Variants in SLC35F3 observed in about 807,000 individuals in gnomAD.
SLC35F3 encodes putative thiamine transporter SLC35F3.
Under a neutral mutation model 49.9 loss-of-function variants are expected in SLC35F3, and 25 were observed. The observed-to-expected ratio is 0.50, with a 90% CI of 0.37 to 0.70. SLC35F3 has a LOEUF of 0.70. Among genes scored for constraint, SLC35F3 ranks in the 30% least tolerant of loss-of-function variants. The pLI is 0.00. For synonymous variants in SLC35F3, 275 were observed against 265.4 expected, an observed-to-expected ratio of 1.04 and a Z score of -0.35; for missense variants, 525 against 639.8, an observed-to-expected ratio of 0.82 and a Z score of 1.94.
chr1:234,226,961 G>GCACGCACACACACACA lies in SLC35F3; in HGVS notation c.284-4453_284-4452insGCACACACACACACAC, dbSNP rs1553316746. On this transcript the variant is annotated intron_variant, in intron 2 of 7. Transcript: ENST00000366618. ...CCTGCACTGGCGTGCGCGCACGCGTGCACACACACACACACACACACACAC... is the reference window on the plus strand; with the variant it reads ...CCTGCACTGGCGTGCGCGCACGCGTGCACGCACACACACACACACACACACACACACACACACACAC... Among the ~76,000 whole-genome samples, 181 of 148,742 alleles carry GCACGCACACACACACA rather than the reference G, an allele frequency of 1.2e-3. 1 individual carries two copies. The highest frequency in any genetic ancestry group is 9.2e-4 in the Non-Finnish European group (62 of 67,102).
In SLC35F3 at chr1:234,309,305, AT is replaced by A; in HGVS notation, c.815del (p.Phe272SerfsTer4). On this transcript the variant is annotated frameshift_variant, in exon 4 of 8. Transcript: ENST00000366618. LOFTEE classifies it high-confidence loss of function. The part of the protein sequence containing the change: ...LLSWIVLRDR[F>X]MGVRIVAAIL... ...TCTCATGGATCGTTCTCAGGGACAG[AT>A]TCATGGGAGTGAGGGTAAGTTCCTT... 1 of 1,614,194 alleles carries A rather than the reference AT, an allele frequency of 6.2e-7. No individual in the cohort carries two copies. Among genetic ancestry groups the A allele is most frequent in the East Asian group, 2.2e-5 (1 of 44,886 alleles).
chr1:233,950,619 A>G (rs887363595), intron 2 of SLC35F3, among the ~76,000 whole-genome samples: 3 of 146,940 alleles, frequency 2.0e-5, no homozygotes, highest in African/African-American at 7.6e-5. Context: ...CCATCCCTCC[A>G]CCCTTTCTCC....
At chr1:234,020,518 T>C (rs574530298) in intron 2 of SLC35F3, among the ~76,000 whole-genome samples, 1 of 152,292 alleles carries the variant, frequency 6.6e-6, no homozygotes, top group Admixed American at 6.5e-5. Context: ...CTCCCCCTTT[T>C]TTTGAAAATT....
intron 3 of SLC35F3, among the ~76,000 whole-genome samples, chr1:234,295,782 A>C (rs1668583730): frequency 6.6e-6 from 1 of 152,238 alleles, no homozygotes; most frequent in South Asian, 2.1e-4. Flanking sequence ...CAGGCCAGCC[A>C]GCAGATGAAC....
intron 3 of SLC35F3, among the ~76,000 whole-genome samples, chr1:234,265,922 C>T (rs570557418): frequency 6.6e-6 from 1 of 152,126 alleles, no homozygotes; most frequent in African/African-American, 2.4e-5. Flanking sequence ...CTCCATGGCT[C>T]TTCCCATGAC....
At chr1:234,262,353 A>G (rs1416549988) in intron 3 of SLC35F3, among the ~76,000 whole-genome samples, 23 of 152,222 alleles carry the variant, frequency 1.5e-4, no homozygotes, top group Admixed American at 6.5e-5. Flanking sequence ...TAGGGTTAAT[A>G]GACTGATGTA....
chr1:234,321,224 CG>C (rs1276000592), intron 7 of SLC35F3, among the ~76,000 whole-genome samples: 1 of 151,402 alleles, frequency 6.6e-6, no homozygotes, highest in Non-Finnish European at 1.5e-5. Context: ...TGCCTCACAG[CG>C]GCGGCAGTGT....
At chr1:234,211,130 A>G (rs1450230117) in intron 2 of SLC35F3, among the ~76,000 whole-genome samples, 2 of 152,256 alleles carry the variant, frequency 1.3e-5, no homozygotes, top group Non-Finnish European at 2.9e-5. Context: ...TTGAGCCTGC[A>G]AGTGCAGAGA....
chr1:234,149,976 G>C (rs1321828245), intron 2 of SLC35F3, among the ~76,000 whole-genome samples: 1 of 152,210 alleles, frequency 6.6e-6, no homozygotes, highest in East Asian at 1.9e-4. Flanking sequence ...GCTTTCTCCA[G>C]AGAGGTTCCT....
chr1:234,217,200 C>G (rs1373195753), intron 2 of SLC35F3, among the ~76,000 whole-genome samples: 1 of 152,110 alleles, frequency 6.6e-6, no homozygotes, highest in East Asian at 1.9e-4. Context: ...TAAGGGGAGG[C>G]AAGAAGGCAC....
intron 3 of SLC35F3, among the ~76,000 whole-genome samples, chr1:234,303,045 C>A (rs1434226827): frequency 2.6e-5 from 4 of 152,144 alleles, no homozygotes; most frequent in Non-Finnish European, 5.9e-5. Context: ...AAATTAAATT[C>A]TTATCTCAGT....
Position 234,098,281 on chromosome 1 carries a change from A to C in SLC35F3, c.284-133136A>C, listed in dbSNP as rs1043804778. ...GTGTGTTGGTGGTGGTGGTGGTGGCAGTTCAGATGGTGGTAGTGATGGTGT... is the reference window on the plus strand; with the variant it reads ...GTGTGTTGGTGGTGGTGGTGGTGGCCGTTCAGATGGTGGTAGTGATGGTGT... On this transcript the variant is annotated intron_variant, in intron 2 of 7. Coordinates refer to ENST00000366618, the MANE Select transcript of SLC35F3 (RefSeq NM_173508.4). Among the ~76,000 whole-genome samples, 7 of 130,650 alleles carry C rather than the reference A, an allele frequency of 5.4e-5. No individual in the cohort carries two copies. The Admixed American group carries it at 5.6e-4, about 10-fold the overall frequency. 85.7% of individuals were successfully genotyped at this position (130,650 alleles called of 152,430 possible).
At chr1:234,125,888 C>T (rs1263401168) in intron 2 of SLC35F3, among the ~76,000 whole-genome samples, 1 of 152,154 alleles carries the variant, frequency 6.6e-6, no homozygotes, top group Admixed American at 6.5e-5. Flanking sequence ...AACCACTTAG[C>T]GCTGCTGGGC....
At chr1:234,102,546 T>C (rs908039557) in intron 2 of SLC35F3, among the ~76,000 whole-genome samples, 1 of 152,198 alleles carries the variant, frequency 6.6e-6, no homozygotes, top group Non-Finnish European at 1.5e-5. Flanking sequence ...TTTCTCCCTG[T>C]AGAGGGGAAG....
At chr1:233,979,618 G>C (rs1306764099) in intron 2 of SLC35F3, among the ~76,000 whole-genome samples, 1 of 152,062 alleles carries the variant, frequency 6.6e-6, no homozygotes, top group Non-Finnish European at 1.5e-5. Context: ...TAAAATAGGT[G>C]GGAACTGCTT....
chr1:234,240,063 T>G (rs1667529820), intron 3 of SLC35F3, among the ~76,000 whole-genome samples: 2 of 152,220 alleles, frequency 1.3e-5, no homozygotes, highest in Non-Finnish European at 2.9e-5. Context: ...ACTCCTAACG[T>G]GGATACCAAA....
chr1:233,923,172 CA>C (rs1487564991), intron 2 of SLC35F3, among the ~76,000 whole-genome samples: 2 of 152,058 alleles, frequency 1.3e-5, no homozygotes, highest in African/African-American at 2.4e-5. Flanking sequence ...TAGTTTTTTC[CA>C]ATTCTGTGAA....
At chr1:234,289,601 T>C (rs79904064) in intron 3 of SLC35F3, among the ~76,000 whole-genome samples, 2,258 of 152,282 alleles carry the variant, frequency 0.015, 51 homozygotes, top group African/African-American at 0.052. Context: ...CTGTTAGAAA[T>C]TGGAACCTCA....
chr1:234,187,743 C>T (rs1170386024), intron 2 of SLC35F3, among the ~76,000 whole-genome samples: 2 of 152,198 alleles, frequency 1.3e-5, no homozygotes, highest in African/African-American at 4.8e-5. Context: ...GCAGGAAAAG[C>T]CCTGCAGTCT....
Sources: allele counts gnomAD v4.1 joint callset (sites outside exome capture counted in the v4.1 genomes callset), GRCh38; gene constraint gnomAD v4.1.1; transcripts MANE v1.5; gene names NCBI Gene and HGNC (gene_info 2026-07-23, HGNC 2026-07-21).